The following RABGAP1 variants were observed in gnomAD, a reference collection of about 807,000 sequenced individuals.
RABGAP1 encodes the protein RAB GTPase activating protein 1, also known as rab GTPase-activating protein 1.
Under a neutral mutation model 137.6 loss-of-function variants are expected in RABGAP1, and 23 were observed. That is an observed-to-expected ratio of 0.17 (90% CI 0.12 to 0.24). The LOEUF is 0.24. Ranked by LOEUF, RABGAP1 falls within the 10% of genes least tolerant of loss-of-function variation. The probability of loss-of-function intolerance (pLI) is 1.00; values close to 1 mark genes in which losing one functional copy is unlikely to be tolerated. For synonymous variants in RABGAP1, 451 were observed against 450.7 expected, an observed-to-expected ratio of 1.00 and a Z score of -0.01; for missense variants, 906 against 1,275.8, an observed-to-expected ratio of 0.71 and a Z score of 4.42.
chr9:123,034,864 T>G, intron 13 of RABGAP1: 1 of 1,614,136 alleles, frequency 6.2e-7, no homozygotes, highest in Non-Finnish European at 8.5e-7. Context: ...AGAGGAGTCC[T>G]TGACTTGCCA....
chr9:123,080,618 C>T (rs1004363408), intron 19 of RABGAP1, among the ~76,000 whole-genome samples: 7 of 152,186 alleles, frequency 4.6e-5, no homozygotes, highest in Admixed American at 3.9e-4. Flanking sequence ...TTGGCAAGTG[C>T]ATCCTGAGCC....
chr9:123,061,470 A>G (rs2033969441), intron 13 of RABGAP1, among the ~76,000 whole-genome samples: 1 of 152,230 alleles, frequency 6.6e-6, no homozygotes, highest in African/African-American at 2.4e-5. Context: ...TTGTTTATTT[A>G]CATATTGTCT....
chr9:122,982,543 C>T (rs868620921), intron 2 of RABGAP1, among the ~76,000 whole-genome samples: 4 of 152,144 alleles, frequency 2.6e-5, no homozygotes, highest in Non-Finnish European at 5.9e-5. Context: ...AACAGGGAAT[C>T]TAATATCTTC....
At chr9:122,964,407 T>TTC (rs1757562597) in intron 2 of RABGAP1, among the ~76,000 whole-genome samples, 1 of 152,110 alleles carries the variant, frequency 6.6e-6, no homozygotes, top group South Asian at 2.1e-4. Flanking sequence ...TAAGGTTAGT[T>TTC]TAACATCTGA....
chr9:123,078,771 C>T (rs1356934182), intron 19 of RABGAP1, among the ~76,000 whole-genome samples: 2 of 152,170 alleles, frequency 1.3e-5, no homozygotes, highest in African/African-American at 4.8e-5. Context: ...CTTTCTCACA[C>T]TCCACATCTA....
At chr9:123,068,866 C>T (rs986676662) in intron 14 of RABGAP1, among the ~76,000 whole-genome samples, 6 of 152,118 alleles carry the variant, frequency 3.9e-5, no homozygotes, top group African/African-American at 1.4e-4. Flanking sequence ...CTATATTTTG[C>T]CAAGAGTTAT....
intron 10 of RABGAP1, among the ~76,000 whole-genome samples, chr9:123,001,349 G>A (rs1837317407): frequency 6.6e-6 from 1 of 152,140 alleles, no homozygotes; most frequent in Admixed American, 6.5e-5. Context: ...TTATTTACAT[G>A]CAACTTCTGT....
At chr9:123,087,001 GGAAGA>G (rs1442891762) in intron 19 of RABGAP1, among the ~76,000 whole-genome samples, 1 of 152,158 alleles carries the variant, frequency 6.6e-6, no homozygotes, top group African/African-American at 2.4e-5. Context: ...CAGAATACTT[GGAAGA>G]CATGGGAAAA....
At chr9:123,036,853 A>G (rs1351669156) in intron 13 of RABGAP1, among the ~76,000 whole-genome samples, 2 of 151,710 alleles carry the variant, frequency 1.3e-5, no homozygotes, top group South Asian at 2.1e-4. Context: ...AGAAAAACCT[A>G]TAGGATTTTA....
At chr9:123,028,504 A>G (rs1400360170) in intron 13 of RABGAP1, among the ~76,000 whole-genome samples, 1 of 152,204 alleles carries the variant, frequency 6.6e-6, no homozygotes, top group African/African-American at 2.4e-5. Flanking sequence ...GAAATTAGCC[A>G]GGGGTTGGAT....
chr9:122,975,739 ATAGT>A (rs1232566258), intron 2 of RABGAP1, among the ~76,000 whole-genome samples: 1 of 152,172 alleles, frequency 6.6e-6, no homozygotes, highest in African/African-American at 2.4e-5. Flanking sequence ...GTTAAATGAG[ATAGT>A]TCTGTAAAAA....
chr9:122,950,854 G>A (rs974509462), intron 1 of RABGAP1, among the ~76,000 whole-genome samples: 1 of 152,192 alleles, frequency 6.6e-6, no homozygotes, highest in African/African-American at 2.4e-5. Flanking sequence ...GAAGGACGAT[G>A]ATGTGATTTT....
At chr9:123,016,378 A>G (rs774062944) in intron 12 of RABGAP1, among the ~76,000 whole-genome samples, 4 of 152,122 alleles carry the variant, frequency 2.6e-5, no homozygotes, top group Non-Finnish European at 5.9e-5. Flanking sequence ...GTGGTGACGC[A>G]CACCTGTGGT....
At chr9:123,076,578 C>A in intron 18 of RABGAP1, 56 bp from the exon 19 acceptor site, 1 of 1,532,312 alleles carries the variant, frequency 6.5e-7, no homozygotes, top group South Asian at 1.2e-5. Context: ...TAAAAAACTT[C>A]TTGTGCATCC....
chr9:122,997,677 T>A (rs533602912), intron 9 of RABGAP1, among the ~76,000 whole-genome samples: 1 of 152,316 alleles, frequency 6.6e-6, no homozygotes, highest in South Asian at 2.1e-4. Flanking sequence ...GTTAAAAATT[T>A]CAAAGGATTT....
rs1409094529 is a variant in RABGAP1 at position 123,074,442 on chromosome 9, G to A, written c.2253+14G>A. 6.2e-7 allele frequency: 1 copy of A among 1,605,454 alleles called. No homozygotes were observed. Among genetic ancestry groups the A allele is most frequent in the East Asian group, 2.2e-5 (1 of 44,674 alleles). ...CTTTTATGTGAGGTATGTATCAGAG[G>A]CCACAGCACTTTGGCTTTTGTTTGC... On this transcript the variant is annotated intron_variant, in intron 17 of 25. Coordinates refer to ENST00000373647, the MANE Select transcript of RABGAP1 (RefSeq NM_012197.4).
At chr9:122,977,237 T>C (rs1835808797) in intron 2 of RABGAP1, among the ~76,000 whole-genome samples, 1 of 152,122 alleles carries the variant, frequency 6.6e-6, no homozygotes, top group Non-Finnish European at 1.5e-5. Flanking sequence ...TAGGCTTACG[T>C]AAAATGAAAG....
intron 2 of RABGAP1, among the ~76,000 whole-genome samples, chr9:122,974,987 G>A (rs943768311): frequency 2.0e-5 from 3 of 152,166 alleles, no homozygotes; most frequent in Non-Finnish European, 2.9e-5. Flanking sequence ...TGGTTATTTC[G>A]TGTCATGTAT....
At chr9:122,958,274 G>A (rs377361397) in intron 2 of RABGAP1, among the ~76,000 whole-genome samples, 9 of 152,354 alleles carry the variant, frequency 5.9e-5, no homozygotes, top group South Asian at 4.1e-4. Context: ...GAGCCTGTGC[G>A]AAGCTGGGGC....
Sources: allele counts gnomAD v4.1 joint callset (sites outside exome capture counted in the v4.1 genomes callset), GRCh38; gene constraint gnomAD v4.1.1; transcripts MANE v1.5; gene names NCBI Gene and HGNC (gene_info 2026-07-23, HGNC 2026-07-21).